Variants in CCDC14 observed in about 807,000 individuals in gnomAD.
The protein encoded by CCDC14 is coiled-coil domain-containing protein 14.
In CCDC14, 71 loss-of-function variants were observed where a neutral mutation model predicts 81.4. The observed-to-expected ratio is 0.87, with a 90% CI of 0.72 to 1.06. The LOEUF (loss-of-function observed/expected upper bound fraction) is 1.06, where lower values mean the gene tolerates loss of function less well. CCDC14 is among the 50% of genes least tolerant of loss of function. The pLI is 0.00. For synonymous variants in CCDC14, 332 were observed against 364.8 expected, an observed-to-expected ratio of 0.91 and a Z score of 1.03; for missense variants, 1,046 against 1,047.3, an observed-to-expected ratio of 1.00 and a Z score of 0.02.
chr3:123,920,776 T>C (rs888548142), intron 12 of CCDC14, among the ~76,000 whole-genome samples: 1 of 152,190 alleles, frequency 6.6e-6, no homozygotes, highest in African/African-American at 2.4e-5. Context: ...TAACACATAA[T>C]CATATTCTGA....
intron 5 of CCDC14, among the ~76,000 whole-genome samples, chr3:123,899,565 G>T (rs2034139439): frequency 6.6e-6 from 1 of 152,150 alleles, no homozygotes; most frequent in African/African-American, 2.4e-5. Context: ...CATTCCCTTT[G>T]CCTCATCAGT....
downstream of CCDC14, among the ~76,000 whole-genome samples, chr3:123,911,078 T>C (rs1377157012): frequency 1.3e-5 from 2 of 152,202 alleles, no homozygotes; most frequent in African/African-American, 4.8e-5. Context: ...GGAATACCCC[T>C]GGTGTGCTTG....
intron 12 of CCDC14, among the ~76,000 whole-genome samples, chr3:123,918,481 C>T (rs1394867800): frequency 6.6e-6 from 1 of 152,162 alleles, no homozygotes; most frequent in East Asian, 1.9e-4. Context: ...GACAAGTACA[C>T]CTTCATGAAT....
chr3:123,953,161 T>C (rs2682198), intron 5 of CCDC14: 17,595 of 153,628 alleles, frequency 0.11, 2,444 homozygotes, highest in East Asian at 0.35. Flanking sequence ...GGAATGCTGA[T>C]CCATATGGGC....
intron 7 of CCDC14, among the ~76,000 whole-genome samples, chr3:123,948,180 T>C (rs955131299): frequency 6.6e-6 from 1 of 152,032 alleles, no homozygotes; most frequent in African/African-American, 2.4e-5. Context: ...TACTGATCTC[T>C]TCCCCTCTTT....
intron 12 of CCDC14, among the ~76,000 whole-genome samples, chr3:123,920,617 A>G (rs58149552): frequency 0.045 from 6,863 of 152,290 alleles, 938 homozygotes; most frequent in East Asian, 0.41. Context: ...GAAATGAGGG[A>G]GAAATAAAAA....
intron 5 of CCDC14, chr3:123,954,108 G>A (rs1577335523): frequency 1.3e-5 from 2 of 152,144 alleles, no homozygotes; most frequent in African/African-American, 4.8e-5. Flanking sequence ...GTTCCTTGAG[G>A]AAAGGTGCCC....
At chr3:123,924,954 T>TACACACAC (rs67990689) in intron 12 of CCDC14, among the ~76,000 whole-genome samples, 49 of 147,380 alleles carry the variant, frequency 3.3e-4, no homozygotes, top group African/African-American at 1.2e-3. Context: ...TATACATATA[T>TACACACAC]ACACACACAC....
chr3:123,912,363 G>A (rs1480894427), downstream of CCDC14, among the ~76,000 whole-genome samples: 2 of 152,120 alleles, frequency 1.3e-5, no homozygotes, highest in Admixed American at 6.6e-5. Flanking sequence ...TAAAGACGAC[G>A]ACTGAGAATG....
intron 1 of CCDC14, chr3:123,958,235 A>T (rs527467805): frequency 6.6e-6 from 1 of 152,248 alleles, no homozygotes; most frequent in South Asian, 2.1e-4. Flanking sequence ...ATAATAAAAA[A>T]TCCAAGCCAT....
In CCDC14 at chr3:123,915,588, G is replaced by A. The variant is rs768501219; in HGVS notation, c.1909C>T (p.Pro637Ser). 1.2e-6 allele frequency: 2 copies of A among 1,614,022 alleles called. No homozygotes were observed. Among genetic ancestry groups the A allele is most frequent in the Non-Finnish European group, 1.7e-6 (2 of 1,179,890 alleles). Residue 637 changes from proline to serine, a missense_variant, in exon 13 of 13, where the codon CCT becomes TCT. Pro to Ser is a moderately conservative substitution (Grantham distance 74). Transcript: ENST00000409697. ...TAGCTCATTATGGAAGTGTGAGCAG[G>A]AGCTGGGTCATGTTGAAGTTGTTTA... ...HDKQLQHDPAPAHTSIMSYLN... is the reference protein window; with the variant it reads ...HDKQLQHDPASAHTSIMSYLN...
chr3:123,944,105 A>G (rs1008272157), intron 9 of CCDC14, among the ~76,000 whole-genome samples: 1 of 152,072 alleles, frequency 6.6e-6, no homozygotes. Context: ...TTCCAGGTAG[A>G]TAGTGTTGGA....
rs1041479493 is a variant in CCDC14, at chr3:123,946,949, C to T, written c.1055G>A (p.Ser352Asn). 5 of 1,613,984 alleles carry T rather than the reference C, an allele frequency of 3.1e-6. No individual in the cohort carries two copies. The East Asian group carries it at 1.1e-4, about 36-fold the overall frequency. Residue 352 changes from serine (S) to asparagine (N), a missense_variant, in exon 8 of 13, where the codon AGT (serine) becomes AAT (asparagine). Transcript: ENST00000409697. ...ATGTATGTTTAAATCCTTTCTTTCA[C>T]TTGTGGCCTCTCTAATTTGCTCTCT... is the stretch of plus-strand genomic sequence containing the variant. ...CAREQIREATSERKDLNIHVR... is the reference protein window; with the variant it reads ...CAREQIREATNERKDLNIHVR...
intron 1 of CCDC14, among the ~76,000 whole-genome samples, chr3:123,959,694 A>T (rs1245526677): frequency 6.6e-6 from 1 of 152,162 alleles, no homozygotes; most frequent in South Asian, 2.1e-4. Context: ...TTCTCCAAGA[A>T]GCCATGACTC....
At chr3:123,923,312 C>T (rs1376927246) in intron 12 of CCDC14, among the ~76,000 whole-genome samples, 1 of 151,920 alleles carries the variant, frequency 6.6e-6, no homozygotes, top group East Asian at 1.9e-4. Flanking sequence ...ATGACAAACC[C>T]ATAGTTAACA....
In CCDC14 at chr3:123,931,132, G is replaced by C. The variant is rs1465292522; in HGVS notation, c.1748C>G (p.Ala583Gly). 4 of 1,605,612 alleles carry C rather than the reference G, an allele frequency of 2.5e-6. No individual in the cohort carries two copies. The highest frequency in any genetic ancestry group is 2.5e-6 in the Non-Finnish European group (3 of 1,177,886). Residue 583 changes from alanine to glycine, a missense_variant, in exon 12 of 13, where the codon GCT becomes GGT. Ala to Gly is a moderately conservative substitution (Grantham distance 60, BLOSUM62 0). Coordinates refer to ENST00000409697, the MANE Select transcript of CCDC14 (RefSeq NM_001366335.1). ...TAATTCTCTTAGTCGAGTCACCTCA[G>C]CATCACGCTGACGTAATGTTATCCC... ...ILGITLRQRD[A>G]EVTRLRELTR...
chr3:123,955,758 A>G, intron 5 of CCDC14, 85 bp downstream of exon 5: 4 of 1,239,016 alleles, frequency 3.2e-6, no homozygotes, highest in Non-Finnish European at 4.3e-6. Context: ...TATTAAAATG[A>G]AAATCAACTG....
At chr3:123,917,639 A>ATT (rs1177769112) in intron 12 of CCDC14, among the ~76,000 whole-genome samples, 1 of 104,946 alleles carries the variant, frequency 9.5e-6, no homozygotes, top group Non-Finnish European at 1.8e-5. Flanking sequence ...AATAAATTCA[A>ATT]AATTTAAAAA....
downstream of CCDC14, among the ~76,000 whole-genome samples, chr3:123,909,058 C>G (rs2034384291): frequency 6.6e-6 from 1 of 152,036 alleles, no homozygotes; most frequent in East Asian, 1.9e-4. Flanking sequence ...GTCAAACAAA[C>G]TACTACCCTC....
Sources: allele counts gnomAD v4.1 joint callset (sites outside exome capture counted in the v4.1 genomes callset), GRCh38; gene constraint gnomAD v4.1.1; transcripts MANE v1.5; gene names NCBI Gene and HGNC (gene_info 2026-07-23, HGNC 2026-07-21).